Variants in AMZ1 observed in about 807,000 individuals in gnomAD.
AMZ1 encodes the protein archaelysin family metallopeptidase 1, also known as archaemetzincin-1.
Under a neutral mutation model 29.9 loss-of-function variants are expected in AMZ1, and 39 were observed. The observed-to-expected ratio is 1.30, with a 90% CI of 1.01 to 1.70. The LOEUF (loss-of-function observed/expected upper bound fraction) is 1.70, where lower values mean the gene tolerates loss of function less well. Ranked by LOEUF, AMZ1 falls within the 40% of genes most tolerant of loss-of-function variation. The probability of loss-of-function intolerance (pLI) is 0.00; values close to 1 mark genes in which losing one functional copy is unlikely to be tolerated. For missense variants in AMZ1, 1,041 were observed against 680.6 expected (o/e 1.53, Z -5.89); for synonymous variants, 458 against 304.0 (o/e 1.51, Z -5.27).
chr7:2,706,373 C>T (rs560361680), intron 3 of AMZ1, among the ~76,000 whole-genome samples: 1 of 152,304 alleles, frequency 6.6e-6, no homozygotes, highest in African/African-American at 2.4e-5. Context: ...TGCCATCTTG[C>T]CCAGAGAGTA....
chr7:2,693,735 TTAG>T (rs1167586767), intron 1 of AMZ1, among the ~76,000 whole-genome samples: 2 of 152,160 alleles, frequency 1.3e-5, no homozygotes, highest in Non-Finnish European at 2.9e-5. Flanking sequence ...TTTTGTATTT[TTAG>T]TAGAGACAGG....
chr7:2,680,103 G>A (rs555443626), intron 1 of AMZ1, among the ~76,000 whole-genome samples: 151 of 152,298 alleles, frequency 9.9e-4, no homozygotes, highest in Non-Finnish European at 3.1e-4. Flanking sequence ...GTCTATAGCC[G>A]GCCTGGGTGG....
chr7:2,688,363 TG>T (rs1787175611), intron 1 of AMZ1, 67 bp downstream of exon 1: 1 of 125,866 alleles, frequency 7.9e-6, no homozygotes, highest in Admixed American at 7.5e-5. Flanking sequence ...CCGGGGCGGG[TG>T]GGTAGGGGCA....
upstream of AMZ1, among the ~76,000 whole-genome samples, chr7:2,687,870 G>A (rs938163051): frequency 1.3e-5 from 2 of 151,862 alleles, no homozygotes; most frequent in Non-Finnish European, 2.9e-5. Context: ...CCTCTCACCT[G>A]GGGCCTTAAC....
chr7:2,704,862 C>G (rs961955595), intron 3 of AMZ1, among the ~76,000 whole-genome samples: 1 of 152,094 alleles, frequency 6.6e-6, no homozygotes, highest in Admixed American at 6.6e-5. Context: ...TCCCAAAGTG[C>G]TGGGATTACA....
downstream of AMZ1, among the ~76,000 whole-genome samples, chr7:2,721,580 G>C (rs1344263760): frequency 6.6e-6 from 1 of 152,162 alleles, no homozygotes; most frequent in Admixed American, 6.5e-5. Context: ...GCCAGGTGTG[G>C]TGTCAGATGC....
rs1456315437 is a variant in AMZ1, at chr7:2,716,911, C to A, written c.*4033C>A. On this transcript the variant is annotated 3_prime_UTR_variant, in exon 7 of 7. Transcript: ENST00000683327. ...GGCTGGAGCCTCAGAAACGGCAGAG[C>A]GGAAGTTGAGGCGCAGTCTGTTCTT... is the stretch of plus-strand genomic sequence containing the variant. 2.0e-5 allele frequency among the ~76,000 whole-genome samples: 3 copies of A among 152,190 alleles called. No individual in the cohort carries two copies. Among genetic ancestry groups the A allele is most frequent in the African/African-American group, 7.2e-5 (3 of 41,450 alleles).
chr7:2,751,448 C>G (rs552729454), intron 4 of AMZ1, among the ~76,000 whole-genome samples: 1 of 148,444 alleles, frequency 6.7e-6, no homozygotes, highest in East Asian at 2.0e-4. Context: ...TCAAAAATCA[C>G]TGACCAAAGG....
chr7:2,709,190 G>A lies in AMZ1; in HGVS notation c.717G>A (p.Gln239=). The change falls in exon 5 of 7, where the codon CAG becomes CAA. Residue 239 remains glutamine (Q), a synonymous_variant. Transcript: ENST00000683327. The stretch of plus-strand genomic sequence containing the variant: ...CAGACGGCCCCGAGGCCCCCCTGCA[G>A]GACAGGGGCTGGGCCCTGTGCTTCA... ...AAADGPEAPL[Q]DRGWALCFSA... 2.6e-6 allele frequency: 4 copies of A among 1,535,260 alleles called. No individual in the cohort carries two copies. Among genetic ancestry groups the A allele is most frequent in the East Asian group, 2.3e-5 (1 of 43,430 alleles).
At chr7:2,697,388 C>T (rs112777192) in intron 1 of AMZ1, among the ~76,000 whole-genome samples, 81 of 152,150 alleles carry the variant, frequency 5.3e-4, no homozygotes, top group African/African-American at 1.9e-3. Flanking sequence ...TGAGCTGCTG[C>T]GCCCGGCTCT....
intron 1 of AMZ1, among the ~76,000 whole-genome samples, chr7:2,696,326 G>C (rs61200502): frequency 1.4e-5 from 2 of 139,736 alleles, no homozygotes; most frequent in Admixed American, 7.7e-5. Context: ...GTGCGATCTT[G>C]GCTCACTGCA....
At chr7:2,762,882 G>C (rs1256453865), upstream of AMZ1, 1 of 1,438,072 alleles carries the variant, frequency 7.0e-7, no homozygotes, top group Admixed American at 2.8e-5. Flanking sequence ...CCTGCTCGTG[G>C]AGCCATTGGT....
At chr7:2,693,008 C>G (rs1252350231) in intron 1 of AMZ1, among the ~76,000 whole-genome samples, 1 of 152,210 alleles carries the variant, frequency 6.6e-6, no homozygotes, top group Non-Finnish European at 1.5e-5. Context: ...TCAGAGATCC[C>G]ACCTCAATGG....
chr7:2,750,298 G>T (rs1259729568), intron 4 of AMZ1, among the ~76,000 whole-genome samples: 1 of 152,198 alleles, frequency 6.6e-6, no homozygotes, highest in East Asian at 1.9e-4. Flanking sequence ...TGCAGAGGCA[G>T]ACAGGCAAAT....
At position 2,712,386 on chromosome 7, in the gene AMZ1, GGAGC is replaced by G; in HGVS notation, c.1006_1009del (p.Glu336ArgfsTer49). 6.2e-7 allele frequency: 1 copy of G among 1,609,432 alleles called. No homozygotes were observed. Among genetic ancestry groups the G allele is most frequent in the Non-Finnish European group, 8.5e-7 (1 of 1,178,158 alleles). On this transcript the variant is annotated frameshift_variant, in exon 7 of 7. Transcript: ENST00000683327. LOFTEE classifies it low-confidence loss of function (END_TRUNC). The stretch of plus-strand genomic sequence containing the variant: ...GGACGTGGCCCAGCCAGGAGGCGGG[GGAGC>G]CGTCAGTGTGGGAGGACACCCCGCC...
At chr7:2,740,790 A>C (rs1040736633) in intron 4 of AMZ1, among the ~76,000 whole-genome samples, 1 of 152,216 alleles carries the variant, frequency 6.6e-6, no homozygotes, top group African/African-American at 2.4e-5. Context: ...CATGCCTATA[A>C]TCCCAGCACT....
chr7:2,738,090 A>G (rs1790299024), intron 4 of AMZ1, among the ~76,000 whole-genome samples: 1 of 152,126 alleles, frequency 6.6e-6, no homozygotes, highest in African/African-American at 2.4e-5. Context: ...TAATTTGGGT[A>G]CCTATGAATT....
chr7:2,709,639 G>A lies in AMZ1; in HGVS notation c.772-1G>A, dbSNP rs1199163815. The A allele has an allele frequency of 1.9e-6, 3 of 1,608,014 alleles. No homozygotes were observed. Among genetic ancestry groups the A allele is most frequent in the Non-Finnish European group, 2.5e-6 (3 of 1,178,106 alleles). On this transcript the variant is annotated splice_acceptor_variant, in intron 5 of 6. Coordinates refer to ENST00000683327, the MANE Select transcript of AMZ1 (RefSeq NM_001384743.1). LOFTEE classifies it high-confidence loss of function. ...AAGGTGCTTGGTGGCCTTCCCCCCAGGTCACGTGCCACGAGCTCTGCCACC... is the reference window on the plus strand; with the variant it reads ...AAGGTGCTTGGTGGCCTTCCCCCCAAGTCACGTGCCACGAGCTCTGCCACC...
intron 6 of AMZ1, among the ~76,000 whole-genome samples, chr7:2,711,327 A>T (rs531496733): frequency 2.6e-5 from 4 of 152,232 alleles, no homozygotes; most frequent in African/African-American, 7.2e-5. Flanking sequence ...GTCCACTGAC[A>T]GCAATCAGTG....
Sources: allele counts gnomAD v4.1 joint callset (sites outside exome capture counted in the v4.1 genomes callset), GRCh38; gene constraint gnomAD v4.1.1; transcripts MANE v1.5; gene names NCBI Gene and HGNC (gene_info 2026-07-23, HGNC 2026-07-21).